DOCK2: variants seen among roughly 807,000 people sequenced by gnomAD.
DOCK2 encodes dedicator of cytokinesis protein 2.
Under a neutral mutation model 248.9 loss-of-function variants are expected in DOCK2, and 87 were observed. The ratio of observed to expected loss-of-function variants is 0.35; its 90% CI spans 0.29 to 0.42. DOCK2 has a LOEUF of 0.42. DOCK2 is among the 10% of genes least tolerant of loss of function. The pLI is 1.00. For synonymous variants in DOCK2, 805 were observed against 821.6 expected (o/e 0.98, Z 0.35); for missense variants, 1,747 against 2,300.2 (o/e 0.76, Z 4.92).
rs2113309689 is a variant in DOCK2, at chr5:169,674,358, G to A, written c.383G>A (p.Arg128Lys). The A allele has an allele frequency of 6.2e-7, 1 of 1,614,162 alleles. No homozygotes were observed. Among genetic ancestry groups the A allele is most frequent in the Non-Finnish European group, 8.5e-7 (1 of 1,180,012 alleles). Reference protein sequence around the residue: ...QSMMYDLMEWRSQLLSGTLPK... With the variant: ...QSMMYDLMEWKSQLLSGTLPK... ...ATGATGTACGATCTGATGGAGTGGAGGTCCCAGCTTCTCTCAGGAACCTTA... is the reference window on the plus strand; with the variant it reads ...ATGATGTACGATCTGATGGAGTGGAAGTCCCAGCTTCTCTCAGGAACCTTA... The change falls in exon 6 of 52, where the codon AGG (arginine) becomes AAG (lysine). Residue 128 changes from arginine (R) to lysine (K), a missense_variant. Coordinates refer to ENST00000520908, the MANE Select transcript of DOCK2 (RefSeq NM_004946.3).
intron 27 of DOCK2, among the ~76,000 whole-genome samples, chr5:169,893,931 A>C (rs1182536153): frequency 6.6e-6 from 1 of 152,184 alleles, no homozygotes; most frequent in African/African-American, 2.4e-5. Flanking sequence ...TTTACACTTG[A>C]CAATCTCTTC....
At chr5:169,956,476 A>G (rs76594159) in intron 27 of DOCK2, among the ~76,000 whole-genome samples, 6,104 of 152,288 alleles carry the variant, frequency 0.04, 320 homozygotes, top group East Asian at 0.21. Flanking sequence ...TTGGATTCAG[A>G]TTAGATTTAA....
chr5:169,915,034 C>T (rs1561819510), intron 27 of DOCK2, among the ~76,000 whole-genome samples: 1 of 152,224 alleles, frequency 6.6e-6, no homozygotes, highest in Non-Finnish European at 1.5e-5. Context: ...ACAGTCAGTC[C>T]CTGGACAGCG....
rs375153602 is a variant in DOCK2 at position 170,028,922 on chromosome 5, T to C, written c.3467+974T>C. On this transcript the variant is annotated intron_variant, in intron 34 of 51. Coordinates refer to ENST00000520908, the MANE Select transcript of DOCK2 (RefSeq NM_004946.3). The stretch of plus-strand genomic sequence containing the variant: ...CTTTTAATTGCCAAATAATATTTGG[T>C]AATTAAAATATTTGGTACCATATGG... Among the ~76,000 whole-genome samples, 62 of 152,346 alleles carry C rather than the reference T, an allele frequency of 4.1e-4. No individual in the cohort carries two copies. The South Asian group carries it at 8.9e-3, about 22-fold the overall frequency.
At chr5:170,071,359 A>C (rs781763088) in intron 46 of DOCK2, among the ~76,000 whole-genome samples, 1 of 152,210 alleles carries the variant, frequency 6.6e-6, no homozygotes, top group East Asian at 1.9e-4. Flanking sequence ...AGCCAAATAC[A>C]CTTTGAATTT....
At chr5:170,008,437 C>T (rs987308243) in intron 30 of DOCK2, 60 bp from the exon 31 acceptor site, 16 of 1,555,250 alleles carry the variant, frequency 1.0e-5, no homozygotes, top group Admixed American at 6.7e-5. Flanking sequence ...CACTACCCAG[C>T]GCTTATGCCT....
At chr5:169,945,689 C>G (rs958720637) in intron 27 of DOCK2, among the ~76,000 whole-genome samples, 2 of 152,172 alleles carry the variant, frequency 1.3e-5, no homozygotes, top group African/African-American at 4.8e-5. Context: ...AGAACGGAGG[C>G]TGGATGTGCT....
At position 169,669,289 on chromosome 5, in the gene DOCK2, C is replaced by T; in HGVS notation, c.129C>T (p.Asp43=). 1.2e-6 allele frequency: 2 copies of T among 1,613,330 alleles called. No homozygotes were observed. Among genetic ancestry groups the T allele is most frequent in the Non-Finnish European group, 1.7e-6 (2 of 1,179,756 alleles). Residue 43 remains aspartate, a splice_region_variant and synonymous_variant, in exon 3 of 52, where the codon GAC becomes GAT. Coordinates refer to ENST00000520908, the MANE Select transcript of DOCK2 (RefSeq NM_004946.3). ...TGTTTCTTTGTTTTCTTTTTGCAGA[C>T]TGGTATAGGGGATACCTCATAAAGC... ...DVVRIQETCG[D]WYRGYLIKHK... is the part of the protein sequence containing the mutation.
At chr5:169,664,987 T>C (rs549500718) in intron 2 of DOCK2, among the ~76,000 whole-genome samples, 1 of 147,856 alleles carries the variant, frequency 6.8e-6, no homozygotes, top group Non-Finnish European at 1.5e-5. Context: ...TATCTATATA[T>C]GTTTATATAT....
chr5:169,843,093 A>T (rs911032601), intron 27 of DOCK2, among the ~76,000 whole-genome samples: 1 of 152,084 alleles, frequency 6.6e-6, no homozygotes, highest in Non-Finnish European at 1.5e-5. Flanking sequence ...TTTCCATCCA[A>T]ATATCCAGCC....
chr5:169,862,596 T>C (rs188460335), intron 27 of DOCK2, among the ~76,000 whole-genome samples: 1,570 of 152,376 alleles, frequency 0.01, 7 homozygotes, highest in Non-Finnish European at 0.015. Flanking sequence ...ATCTTAATTC[T>C]AACATGACGT....
intron 27 of DOCK2, among the ~76,000 whole-genome samples, chr5:169,902,061 C>T (rs1773956950): frequency 6.6e-6 from 1 of 152,140 alleles, no homozygotes; most frequent in Admixed American, 6.5e-5. Flanking sequence ...CTCTGTGTGC[C>T]AAGGAAACCA....
chr5:169,673,433 C>T (rs1299281536), intron 5 of DOCK2, among the ~76,000 whole-genome samples: 3 of 152,006 alleles, frequency 2.0e-5, no homozygotes, highest in African/African-American at 4.8e-5. Flanking sequence ...ATACCACCCA[C>T]ACTTTCCCAA....
chr5:169,784,975 A>C (rs191055001), intron 25 of DOCK2, among the ~76,000 whole-genome samples: 302 of 152,360 alleles, frequency 2.0e-3, no homozygotes, highest in Middle Eastern at 6.8e-3. Context: ...CCCTTTAGAA[A>C]GCTCTAAGCT....
At chr5:169,947,044 G>C (rs1409668735) in intron 27 of DOCK2, among the ~76,000 whole-genome samples, 1 of 152,218 alleles carries the variant, frequency 6.6e-6, no homozygotes, top group African/African-American at 2.4e-5. Flanking sequence ...AATGTATCTG[G>C]AACTGTTCTC....
At chr5:169,990,458 G>T (rs558711571) in intron 29 of DOCK2, among the ~76,000 whole-genome samples, 147 of 151,714 alleles carry the variant, frequency 9.7e-4, no homozygotes, top group African/African-American at 3.4e-3. Flanking sequence ...CCAGCTGGCT[G>T]CAGGATCCCG....
intron 27 of DOCK2, among the ~76,000 whole-genome samples, chr5:169,865,361 G>T (rs963128536): frequency 4.6e-5 from 7 of 152,146 alleles, no homozygotes; most frequent in African/African-American, 7.2e-5. Context: ...GTAGGGAGTG[G>T]GTGCTGATGC....
chr5:169,978,861 C>T (rs892288271), intron 27 of DOCK2, among the ~76,000 whole-genome samples: 1 of 152,114 alleles, frequency 6.6e-6, no homozygotes, highest in African/African-American at 2.4e-5. Flanking sequence ...AGTTTCAAAC[C>T]GTGTCTCTTC....
At chr5:169,720,812 T>C (rs1257740353) in intron 22 of DOCK2, among the ~76,000 whole-genome samples, 2 of 152,210 alleles carry the variant, frequency 1.3e-5, no homozygotes, top group African/African-American at 2.4e-5. Context: ...CTCACTGCGA[T>C]CTCCGCCTCC....
Sources: gnomAD v4.1 joint callset for allele counts (sites outside exome capture counted in the v4.1 genomes callset) on GRCh38, gnomAD v4.1.1 for gene constraint, MANE v1.5 for transcripts, NCBI Gene and HGNC (gene_info 2026-07-23, HGNC 2026-07-21) for gene names.